FHIP2B: variants seen among roughly 807,000 people sequenced by gnomAD.
FHIP2B encodes the protein FHF complex subunit HOOK-interacting protein 2B.
In FHIP2B, 72 loss-of-function variants were observed where a neutral mutation model predicts 84.0. The ratio of observed to expected loss-of-function variants is 0.86; its 90% CI spans 0.71 to 1.04. The LOEUF (loss-of-function observed/expected upper bound fraction) is 1.04. Ranked by LOEUF, FHIP2B falls within the 50% of genes least tolerant of loss-of-function variation. The pLI is 0.00. For synonymous variants in FHIP2B, 497 were observed against 418.7 expected (o/e 1.19, Z -2.28); for missense variants, 972 against 968.9 (o/e 1.00, Z -0.04).
rs567319267 is a variant in FHIP2B at position 22,098,009 on chromosome 8, G to C, written c.526-59G>C. The C allele has an allele frequency of 7.2e-6, 11 of 1,537,168 alleles. No homozygotes were observed. The African/African-American group carries it at 1.5e-4, about 21-fold the overall frequency. Reference sequence around the variant, plus strand: ...GCTGGCAGCCCACCCTGCGGTCCCAGTGGGGGACCCTGGGAAGTGGTCCCC... The same window carrying C: ...GCTGGCAGCCCACCCTGCGGTCCCACTGGGGGACCCTGGGAAGTGGTCCCC... On this transcript the variant is annotated intron_variant, in intron 5 of 16. Coordinates refer to ENST00000289921, the MANE Select transcript of FHIP2B (RefSeq NM_022749.7).
At chr8:22,099,104 C>G in intron 8 of FHIP2B, 48 bp downstream of exon 8, 6 of 1,517,310 alleles carry the variant, frequency 4.0e-6, no homozygotes, top group South Asian at 1.2e-5. Context: ...TTCCCTGTAC[C>G]ATCTCCATCT....
chr8:22,103,518 C>T lies in FHIP2B; in HGVS notation c.*587C>T, dbSNP rs146915857. 1 of 152,624 alleles carries T rather than the reference C, an allele frequency of 6.6e-6. No homozygotes were observed. Among genetic ancestry groups the T allele is most frequent in the African/African-American group, 2.4e-5 (1 of 41,602 alleles). 9.5% of individuals were successfully genotyped at this position (152,624 alleles called of 1,614,324 possible). ...AAACTGTTGCAAAACTCCCAGCCGC[C>T]TCATGGCAAATGCCCAAAGCATGTT... On this transcript the variant is annotated 3_prime_UTR_variant, in exon 17 of 17. Coordinates refer to ENST00000289921, the MANE Select transcript of FHIP2B (RefSeq NM_022749.7).
chr8:22,101,055 A>G, intron 12 of FHIP2B, 83 bp downstream of exon 12: 1 of 1,483,756 alleles, frequency 6.7e-7, no homozygotes. Flanking sequence ...TCGCTCCGTC[A>G]CCCAGGATGG....
chr8:22,097,123 G>T (rs140797630), intron 3 of FHIP2B: 17 of 270,784 alleles, frequency 6.3e-5, no homozygotes, highest in Non-Finnish European at 1.0e-4. Context: ...TAATGACCCA[G>T]TCATGGAGCA....
Position 22,102,072 on chromosome 8 carries a change from C to T in FHIP2B, c.1852-103C>T. The T allele has an allele frequency of 2.5e-6, 4 of 1,592,786 alleles. No individual in the cohort carries two copies. The South Asian group carries it at 4.5e-5, about 18-fold the overall frequency. On this transcript the variant is annotated intron_variant, in intron 14 of 16. Coordinates refer to ENST00000289921, the MANE Select transcript of FHIP2B (RefSeq NM_022749.7). ...GACACACACACATCACGTGAGCCTC[C>T]CACCCCCACACACGTTCACAGTGGC...
chr8:22,089,160 T>G lies in FHIP2B; in HGVS notation c.-94T>G. 3 of 805,090 alleles carry G rather than the reference T, an allele frequency of 3.7e-6. No individual in the cohort carries two copies. The highest frequency in any genetic ancestry group is 1.9e-5 in the African/African-American group (1 of 53,314). 49.9% of individuals were successfully genotyped at this position (805,090 alleles called of 1,614,324 possible). On this transcript the variant is annotated 5_prime_UTR_variant, in exon 1 of 17. Transcript: ENST00000289921. The stretch of plus-strand genomic sequence containing the variant: ...GAGCGGCCGGGCCCCGCCCCCCTCG[T>G]CGCGCCGGGGCCGCCGGGGCCACGG...
chr8:22,103,079 A>G lies in FHIP2B; in HGVS notation c.*148A>G. On this transcript the variant is annotated 3_prime_UTR_variant, in exon 17 of 17. Transcript: ENST00000289921. The stretch of plus-strand genomic sequence containing the variant: ...GACTGCGGCATGTTGACCACACCAG[A>G]CTGGGTTTCAGGGAATGGGCATGCC... 9.3e-7 allele frequency: 1 copy of G among 1,079,040 alleles called. No individual in the cohort carries two copies. Among genetic ancestry groups the G allele is most frequent in the Admixed American group, 2.9e-5 (1 of 34,948 alleles). The allele number at this position is 1,079,040 out of a possible 1,614,324, so 66.8% of individuals were successfully genotyped here.
intron 1 of FHIP2B, among the ~76,000 whole-genome samples, chr8:22,092,576 T>TC (rs1156385954): frequency 1.4e-4 from 21 of 150,746 alleles, no homozygotes; most frequent in East Asian, 1.2e-3. Context: ...TTTTTTTTTT[T>TC]TTTTGAGACT....
In FHIP2B at chr8:22,103,236, G is replaced by A. The variant is rs1241661702; in HGVS notation, c.*305G>A. ...ATGTGCTGTGTGCCTGGCCCCTTCTGTACTGGCCATTTGTGGCCAGGGCCA... is the reference window on the plus strand; with the variant it reads ...ATGTGCTGTGTGCCTGGCCCCTTCTATACTGGCCATTTGTGGCCAGGGCCA... On this transcript the variant is annotated 3_prime_UTR_variant, in exon 17 of 17. Coordinates refer to ENST00000289921, the MANE Select transcript of FHIP2B (RefSeq NM_022749.7). 2 of 362,244 alleles carry A rather than the reference G, an allele frequency of 5.5e-6. No homozygotes were observed. Among genetic ancestry groups the A allele is most frequent in the South Asian group, 4.0e-5 (1 of 25,272 alleles). The allele number at this position is 362,244 out of a possible 1,614,324, so 22.4% of individuals were successfully genotyped here.
rs556220943 is a variant in FHIP2B at position 22,089,280 on chromosome 8, G to C, written c.27G>C (p.Leu9=). The change falls in exon 1 of 17, where the codon CTG becomes CTC. Residue 9 remains leucine (L), a synonymous_variant. Transcript: ENST00000289921. MLSRLGAL[L]QEAVGAREPS... ...TGCTGAGCCGGCTCGGGGCGCTGCT[G>C]CAGGAAGCCGTGGGGGCGGTGAGGC... 1.3e-4 allele frequency: 136 copies of C among 1,043,384 alleles called. No homozygotes were observed. In the African/African-American group the frequency reaches 2.3e-3, roughly 17 times the overall value. 64.6% of individuals were successfully genotyped at this position (1,043,384 alleles called of 1,614,324 possible). A position where few individuals can be genotyped will look rare whatever the true frequency, so the allele number is the denominator to read the frequency against.
Position 22,104,337 on chromosome 8 carries a change from G to A in FHIP2B, c.*1406G>A, listed in dbSNP as rs1359727213. Reference sequence around the variant, plus strand: ...CAGTGCACTTTGGCATTTGCACGGTGTCTTCCCCGGACAGCACAGCAATAA... The same window carrying A: ...CAGTGCACTTTGGCATTTGCACGGTATCTTCCCCGGACAGCACAGCAATAA... On this transcript the variant is annotated 3_prime_UTR_variant, in exon 17 of 17. Coordinates refer to ENST00000289921, the MANE Select transcript of FHIP2B (RefSeq NM_022749.7). The A allele has an allele frequency of 6.6e-6, 1 of 152,540 alleles. No homozygotes were observed. Among genetic ancestry groups the A allele is most frequent in the Non-Finnish European group, 1.5e-5 (1 of 68,046 alleles). 9.4% of individuals were successfully genotyped at this position (152,540 alleles called of 1,614,324 possible). A position where few individuals can be genotyped will look rare whatever the true frequency, so the allele number is the denominator to read the frequency against.
At chr8:22,097,215 G>A (rs1178353694) in intron 3 of FHIP2B, among the ~76,000 whole-genome samples, 2 of 152,140 alleles carry the variant, frequency 1.3e-5, no homozygotes, top group Non-Finnish European at 2.9e-5. Context: ...CTGTGAGAAC[G>A]GGCCCTCTGA....
rs200264326 is a variant in FHIP2B at position 22,098,079 on chromosome 8, T to G, written c.537T>G (p.Ile179Met). The G allele has an allele frequency of 4.2e-5, 67 of 1,591,820 alleles. No homozygotes were observed. Among genetic ancestry groups the G allele is most frequent in the Middle Eastern group, 1.7e-4 (1 of 6,028 alleles). ...CACCCTCTTTTCAGGGTAAAAAGAT[T>G]GTAGGTAGGAAGAAAGCATGCGGAG... ...LLAYILEGKK[I>M]VGRKKACGEP... The change falls in exon 6 of 17, where the codon ATT (isoleucine) becomes ATG (methionine). Residue 179 changes from isoleucine to methionine, a missense_variant. Ile to Met is a conservative substitution (Grantham distance 10). Transcript: ENST00000289921.
Position 22,103,035 on chromosome 8 carries a change from T to C in FHIP2B, c.*104T>C. 3 of 1,413,802 alleles carry C rather than the reference T, an allele frequency of 2.1e-6. No homozygotes were observed. Among genetic ancestry groups the C allele is most frequent in the East Asian group, 4.9e-5 (2 of 40,408 alleles). The allele number at this position is 1,413,802 out of a possible 1,614,324, so 87.6% of individuals were successfully genotyped here. Reference sequence around the variant, plus strand: ...TCCCCTCCTGGGATGGGGCTTCTGCTCCCGGGCTCACTCAAGGAGACTGCG... The same window carrying C: ...TCCCCTCCTGGGATGGGGCTTCTGCCCCCGGGCTCACTCAAGGAGACTGCG... On this transcript the variant is annotated 3_prime_UTR_variant, in exon 17 of 17. Coordinates refer to ENST00000289921, the MANE Select transcript of FHIP2B (RefSeq NM_022749.7).
chr8:22,100,171 C>A (rs1305536930), intron 10 of FHIP2B: 1 of 439,532 alleles, frequency 2.3e-6, no homozygotes, highest in Non-Finnish European at 4.0e-6. Flanking sequence ...TGGCCTCAAG[C>A]GATCCTCTCA....
chr8:22,102,932 G>A lies in FHIP2B; in HGVS notation c.*1G>A. ...CCCAGCCCCGGAAGGGCAGGTCTGA[G>A]CCAGCACCAGGGCGGTGGGAGACTC... On this transcript the variant is annotated 3_prime_UTR_variant, in exon 17 of 17. Coordinates refer to ENST00000289921, the MANE Select transcript of FHIP2B (RefSeq NM_022749.7). The A allele has an allele frequency of 6.2e-7, 1 of 1,613,032 alleles. No individual in the cohort carries two copies. The highest frequency in any genetic ancestry group is 8.5e-7 in the Non-Finnish European group (1 of 1,179,650).
chr8:22,096,051 G>A (rs1825748844), intron 2 of FHIP2B: 1 of 314,682 alleles, frequency 3.2e-6, no homozygotes, highest in Admixed American at 5.1e-5. Flanking sequence ...CCCTGTCTCT[G>A]TACCCATCCT....
Position 22,101,767 on chromosome 8 carries a change from G to A in FHIP2B, c.1767G>A (p.Leu589=). Residue 589 remains leucine (L), a synonymous_variant, in exon 14 of 17, where the codon TTG becomes TTA. Transcript: ENST00000289921. ...GCTGGCCTCTGACCCCCACACCTTT[G>A]GACCCCCATGAGCCCGAGCGACCTT... ...SWGWPLTPTP[L]DPHEPERPFF... 3 of 1,613,346 alleles carry A rather than the reference G, an allele frequency of 1.9e-6. No individual in the cohort carries two copies. Among genetic ancestry groups the A allele is most frequent in the Non-Finnish European group, 2.5e-6 (3 of 1,179,764 alleles).
At chr8:22,092,021 C>T (rs1445606922) in intron 1 of FHIP2B, among the ~76,000 whole-genome samples, 2 of 152,172 alleles carry the variant, frequency 1.3e-5, no homozygotes, top group African/African-American at 4.8e-5. Context: ...GGCACTGTCA[C>T]ATAGAATGTA....
Sources: gnomAD v4.1 joint callset for allele counts (sites outside exome capture counted in the v4.1 genomes callset) on GRCh38, gnomAD v4.1.1 for gene constraint, MANE v1.5 for transcripts, NCBI Gene and HGNC (gene_info 2026-07-23, HGNC 2026-07-21) for gene names.